FBXO25: variants seen among roughly 807,000 people sequenced by gnomAD.
The protein encoded by FBXO25 is F-box protein 25.
Under a neutral mutation model 51.9 loss-of-function variants are expected in FBXO25, and 45 were observed. The ratio of observed to expected loss-of-function variants is 0.87; its 90% CI spans 0.68 to 1.11. The LOEUF (loss-of-function observed/expected upper bound fraction) is 1.11. Ranked by LOEUF, FBXO25 falls within the 50% of genes most tolerant of loss-of-function variation. FBXO25 has a pLI of 0.00. For missense variants in FBXO25, 507 were observed against 428.5 expected (o/e 1.18, Z -1.62); for synonymous variants, 199 against 151.0 (o/e 1.32, Z -2.33).
At chr8:457,662 TAA>T (rs932416482) in intron 7 of FBXO25, among the ~76,000 whole-genome samples, 5 of 152,230 alleles carry the variant, frequency 3.3e-5, no homozygotes, top group Admixed American at 2.6e-4. Flanking sequence ...TCAAATTTGC[TAA>T]GAGTAGATCT....
intron 2 of FBXO25, among the ~76,000 whole-genome samples, chr8:416,820 T>G (rs13271537): frequency 0.18 from 27,842 of 152,200 alleles, 2,612 homozygotes; most frequent in South Asian, 0.23. Context: ...GAAAACCCAT[T>G]TCTGATGGAG....
At chr8:439,243 C>T (rs188738762) in intron 5 of FBXO25, among the ~76,000 whole-genome samples, 6 of 152,206 alleles carry the variant, frequency 3.9e-5, no homozygotes, top group East Asian at 1.9e-4. Flanking sequence ...CCTGCCCCCT[C>T]GCCCCTCTGG....
intron 2 of FBXO25, among the ~76,000 whole-genome samples, chr8:416,101 C>T (rs917612891): frequency 2.0e-5 from 3 of 152,224 alleles, no homozygotes; most frequent in Non-Finnish European, 4.4e-5. Flanking sequence ...TTTTCACTTG[C>T]TCACTCATTT....
chr8:477,813 A>G lies in FBXO25; in HGVS notation c.*9009A>G, dbSNP rs993953182. On this transcript the variant is annotated 3_prime_UTR_variant, in exon 10 of 10. Coordinates refer to ENST00000350302, the MANE Select transcript of FBXO25 (RefSeq NM_183420.2). ...ATGTCATTAGATATTACCCTTTTAC[A>G]TCTTTTCACTATTTAAAAATGTAAA... 2.0e-5 allele frequency: 3 copies of G among 152,226 alleles called. No individual in the cohort carries two copies. The highest frequency in any genetic ancestry group is 2.0e-4 in the Admixed American group (3 of 15,286). 9.4% of individuals were successfully genotyped at this position (152,226 alleles called of 1,614,324 possible).
intron 9 of FBXO25, chr8:467,888 C>T (rs1304390870): frequency 2.0e-6 from 3 of 1,526,926 alleles, no homozygotes; most frequent in East Asian, 2.3e-5. Context: ...CTGAGCAGGG[C>T]TGAGTGGCCA....
At chr8:416,025 C>A (rs1796778069) in intron 2 of FBXO25, among the ~76,000 whole-genome samples, 1 of 152,194 alleles carries the variant, frequency 6.6e-6, no homozygotes, top group Non-Finnish European at 1.5e-5. Flanking sequence ...ATAACGCATT[C>A]AGCTCAGTCT....
In FBXO25 at chr8:474,947, T is replaced by C. The variant is rs1384394383; in HGVS notation, c.*6143T>C. 1.1e-5 allele frequency: 5 copies of C among 437,694 alleles called. No homozygotes were observed. Among genetic ancestry groups the C allele is most frequent in the Non-Finnish European group, 2.3e-5 (5 of 221,976 alleles). 27.1% of individuals were successfully genotyped at this position (437,694 alleles called of 1,614,324 possible). A position where few individuals can be genotyped will look rare whatever the true frequency, so the allele number is the denominator to read the frequency against. On this transcript the variant is annotated 3_prime_UTR_variant, in exon 10 of 10. Transcript: ENST00000350302. The stretch of plus-strand genomic sequence containing the variant: ...CTTTGTCCCATTCCGTGGATTGCCT[T>C]TCACTCTGTTTTGTTCTTTGATGTA...
chr8:435,362 A>G (rs2117652628), intron 4 of FBXO25: 4 of 493,986 alleles, frequency 8.1e-6, no homozygotes, highest in Non-Finnish European at 1.4e-5. Context: ...TATTTAATAA[A>G]TATTTGTCTT....
Position 463,139 on chromosome 8 carries a change from C to G in FBXO25, c.976C>G (p.Leu326Val). 6.2e-7 allele frequency: 1 copy of G among 1,611,060 alleles called. No individual in the cohort carries two copies. The highest frequency in any genetic ancestry group is 8.5e-7 in the Non-Finnish European group (1 of 1,179,440). The change falls in exon 9 of 10, where the codon CTC (leucine) becomes GTC (valine). Residue 326 changes from leucine (L) to valine (V), a missense_variant. Leu to Val is a conservative substitution (Grantham distance 32). Transcript: ENST00000350302. The stretch of plus-strand genomic sequence containing the variant: ...GCATTTCTGTCGGCACTGCAGCATT[C>G]TCTTTTGGAAGGTACTGATTTAAAT... ...TLHFCRHCSI[L>V]FWKDSGHPCT...
Position 475,989 on chromosome 8 carries a change from A to C in FBXO25, c.*7185A>C, listed in dbSNP as rs201648961. 6.6e-6 allele frequency: 1 copy of C among 152,126 alleles called. No individual in the cohort carries two copies. The highest frequency in any genetic ancestry group is 1.9e-4 in the East Asian group (1 of 5,194). The allele number at this position is 152,126 out of a possible 1,614,324, so 9.4% of individuals were successfully genotyped here. ...TTGATCTTAAAGTCCTTTCAGTCTT[A>C]TTGAATATGATGTTTACAGTGGGAT... On this transcript the variant is annotated 3_prime_UTR_variant, in exon 10 of 10. Transcript: ENST00000350302.
chr8:452,167 C>G (rs1305093108), intron 7 of FBXO25, among the ~76,000 whole-genome samples: 1 of 152,210 alleles, frequency 6.6e-6, no homozygotes, highest in African/African-American at 2.4e-5. Flanking sequence ...GAATGGTTTT[C>G]AAGTGCCCTT....
intron 2 of FBXO25, among the ~76,000 whole-genome samples, chr8:427,312 G>A (rs1216535314): frequency 2.4e-4 from 37 of 151,780 alleles, no homozygotes; most frequent in South Asian, 6.3e-4. Flanking sequence ...GGAATTATCA[G>A]CAACTGTGTT....
At chr8:448,115 C>T (rs1249293287) in intron 5 of FBXO25, among the ~76,000 whole-genome samples, 1 of 152,068 alleles carries the variant, frequency 6.6e-6, no homozygotes, top group Non-Finnish European at 1.5e-5. Context: ...CTGAAGAGAA[C>T]AGGGAGAGGG....
intron 8 of FBXO25, among the ~76,000 whole-genome samples, chr8:461,391 G>T (rs1181988012): frequency 6.6e-6 from 1 of 152,210 alleles, no homozygotes; most frequent in Non-Finnish European, 1.5e-5. Context: ...CTGGTGGAAG[G>T]CAAAGGAGGA....
chr8:458,481 C>T lies in FBXO25; in HGVS notation c.773C>T (p.Thr258Met), dbSNP rs745441745. The T allele has an allele frequency of 3.7e-5, 60 of 1,614,028 alleles. No homozygotes were observed. The highest frequency in any genetic ancestry group is 1.6e-4 in the Middle Eastern group (1 of 6,084). Reference sequence around the variant, plus strand: ...ATCACCTTAGGCCAGGTGACCCCCACGTTGTATATGCTTAGTGAAGACAGA... The same window carrying T: ...ATCACCTTAGGCCAGGTGACCCCCATGTTGTATATGCTTAGTGAAGACAGA... ...DIITLGQVTP[T>M]LYMLSEDRQL... The change falls in exon 8 of 10, where the codon ACG becomes ATG. Residue 258 changes from threonine (T) to methionine (M), a missense_variant. Transcript: ENST00000350302.
intron 7 of FBXO25, among the ~76,000 whole-genome samples, chr8:457,309 C>T (rs35157287): frequency 6.6e-6 from 1 of 152,102 alleles, no homozygotes; most frequent in Non-Finnish European, 1.5e-5. Flanking sequence ...AAGTCTGAAA[C>T]AGTTTGAGCT....
chr8:463,017 AT>A lies in FBXO25; in HGVS notation c.857del (p.Leu286Ter). 1 of 1,611,210 alleles carries A rather than the reference AT, an allele frequency of 6.2e-7. No homozygotes were observed. The highest frequency in any genetic ancestry group is 8.5e-7 in the Non-Finnish European group (1 of 1,179,452). ...GTTTTGTTTGTTTAGTTTTGTAGAC[AT>A]TTGATCCTTTCAGAAAAAGGTCATA... ...YHFAEKQFCR[H>X]LILSEKGHIE... is the part of the protein sequence containing the mutation. On this transcript the variant is annotated frameshift_variant, in exon 9 of 10. Coordinates refer to ENST00000350302, the MANE Select transcript of FBXO25 (RefSeq NM_183420.2). LOFTEE classifies it high-confidence loss of function.
chr8:464,392 T>A (rs1018903084), intron 9 of FBXO25, among the ~76,000 whole-genome samples: 5 of 152,244 alleles, frequency 3.3e-5, no homozygotes, highest in African/African-American at 1.2e-4. Context: ...AGGCATAAGC[T>A]GGTCCTGGAG....
chr8:464,394 G>T (rs550032070), intron 9 of FBXO25, among the ~76,000 whole-genome samples: 2 of 152,324 alleles, frequency 1.3e-5, no homozygotes, highest in East Asian at 1.9e-4. Context: ...GCATAAGCTG[G>T]TCCTGGAGTG....
Sources: allele counts gnomAD v4.1 joint callset (sites outside exome capture counted in the v4.1 genomes callset), GRCh38; gene constraint gnomAD v4.1.1; transcripts MANE v1.5; gene names NCBI Gene and HGNC (gene_info 2026-07-23, HGNC 2026-07-21).